Variants in KCNJ12 observed in about 807,000 individuals in gnomAD.
The protein encoded by KCNJ12 is potassium inwardly rectifying channel subfamily J member 12.
A neutral mutation model predicts 22.3 loss-of-function variants in KCNJ12; 2 were observed. The ratio of observed to expected loss-of-function variants is 0.09; its 90% CI spans 0.04 to 0.28. The LOEUF is 0.28. Ranked by LOEUF, KCNJ12 falls within the 10% of genes least tolerant of loss-of-function variation. The probability of loss-of-function intolerance (pLI) is 1.00; values close to 1 mark genes in which losing one functional copy is unlikely to be tolerated. For missense variants in KCNJ12, 155 were observed against 633.3 expected, an observed-to-expected ratio of 0.24 and a Z score of 8.11; for synonymous variants, 117 against 261.4, an observed-to-expected ratio of 0.45 and a Z score of 5.33.
rs573335001 is a variant in KCNJ12, at chr17:21,384,918, A to G, written c.-179+8005A>G. 9.3e-5 allele frequency among the ~76,000 whole-genome samples: 14 copies of G among 151,270 alleles called. No homozygotes were observed. The East Asian group carries it at 1.2e-3, about 13-fold the overall frequency. On this transcript the variant is annotated intron_variant, in intron 1 of 2. Transcript: ENST00000583088. ...CTCCCGAGTAGCTGGGACTATAGGC[A>G]CCCACCACCGCGCCCGGCTAATTTT...
intron 2 of KCNJ12, among the ~76,000 whole-genome samples, chr17:21,413,856 T>A (rs1906522623): frequency 6.6e-6 from 1 of 152,378 alleles, no homozygotes; most frequent in South Asian, 2.1e-4. Context: ...CTGCCTGCAG[T>A]GAGCTGAGGG....
intron 1 of KCNJ12, among the ~76,000 whole-genome samples, chr17:21,389,273 C>T (rs1905150011): frequency 6.6e-6 from 1 of 152,226 alleles, no homozygotes; most frequent in Non-Finnish European, 1.5e-5. Context: ...GTCCAGGCAC[C>T]TCTTTCTTGC....
chr17:21,391,714 C>T (rs1022697250), intron 1 of KCNJ12, among the ~76,000 whole-genome samples: 7 of 152,240 alleles, frequency 4.6e-5, no homozygotes, highest in Non-Finnish European at 8.8e-5. Flanking sequence ...CTTTCTTCCC[C>T]GGTCTGCCCA....
intron 1 of KCNJ12, among the ~76,000 whole-genome samples, chr17:21,390,730 G>C (rs967037016): frequency 2.6e-5 from 4 of 152,216 alleles, no homozygotes; most frequent in Non-Finnish European, 5.9e-5. Context: ...GATCTGTCAG[G>C]CTGTGGTTGG....
chr17:21,413,705 G>A (rs1207064873), intron 2 of KCNJ12, among the ~76,000 whole-genome samples: 1 of 152,430 alleles, frequency 6.6e-6, no homozygotes, highest in South Asian at 2.1e-4. Flanking sequence ...GGCCTTTAGT[G>A]GGGGCAGCAC....
At chr17:21,411,396 T>G (rs1574163) in intron 2 of KCNJ12, among the ~76,000 whole-genome samples, 1 of 151,476 alleles carries the variant, frequency 6.6e-6, no homozygotes, top group South Asian at 2.1e-4. Context: ...GCCGGGCCCG[T>G]GCTCTCTCCC....
intron 1 of KCNJ12, among the ~76,000 whole-genome samples, chr17:21,393,310 G>A (rs1242524097): frequency 6.6e-6 from 1 of 152,230 alleles, no homozygotes; most frequent in African/African-American, 2.4e-5. Context: ...TGGCTCTGGC[G>A]GATGGGGCAG....
chr17:21,408,899 AC>A (rs1165884336), intron 2 of KCNJ12, among the ~76,000 whole-genome samples: 32 of 152,054 alleles, frequency 2.1e-4, no homozygotes, highest in Non-Finnish European at 1.3e-4. Context: ...CCTTCCACCC[AC>A]CTAGCCAGTC....
At chr17:21,410,500 T>C (rs1429618260) in intron 2 of KCNJ12, among the ~76,000 whole-genome samples, 1 of 152,250 alleles carries the variant, frequency 6.6e-6, no homozygotes, top group Non-Finnish European at 1.5e-5. Flanking sequence ...CTGCATTGAG[T>C]GATCTCTGAG....
chr17:21,380,682 A>T (rs533062529), intron 1 of KCNJ12, among the ~76,000 whole-genome samples: 3 of 152,244 alleles, frequency 2.0e-5, no homozygotes, highest in Admixed American at 1.3e-4. Context: ...GGGTGTGAGC[A>T]TTTGTGGAGC....
chr17:21,379,591 G>A (rs1392571570), intron 1 of KCNJ12, among the ~76,000 whole-genome samples: 1 of 152,232 alleles, frequency 6.6e-6, no homozygotes, highest in Non-Finnish European at 1.5e-5. Context: ...GGCAGCTTGC[G>A]GGCAGCAGGA....
chr17:21,380,259 C>T (rs1904821433), intron 1 of KCNJ12, among the ~76,000 whole-genome samples: 1 of 152,218 alleles, frequency 6.6e-6, no homozygotes, highest in Admixed American at 6.5e-5. Flanking sequence ...ACTGCTTCTT[C>T]CAGCCACAGA....
In KCNJ12 at chr17:21,385,054, C is replaced by T. The variant is rs181110453; in HGVS notation, c.-179+8141C>T. On this transcript the variant is annotated intron_variant, in intron 1 of 2. Transcript: ENST00000583088. ...CCTCCCAAAGTGCTGGGATTACAGG[C>T]GTGAGCCACCGTGCCCGACCCAGGA... 2.8e-3 allele frequency among the ~76,000 whole-genome samples: 422 copies of T among 152,260 alleles called. 4 individuals are homozygous for T. Among genetic ancestry groups the T allele is most frequent in the African/African-American group, 9.3e-3 (385 of 41,560 alleles).
chr17:21,417,945 C>A lies in KCNJ12; in HGVS notation c.*1301C>A, dbSNP rs1346779816. 1.8e-5 allele frequency: 3 copies of A among 167,278 alleles called. No individual in the cohort carries two copies. Among genetic ancestry groups the A allele is most frequent in the Non-Finnish European group, 4.4e-5 (3 of 68,378 alleles). The allele number at this position is 167,278 out of a possible 1,614,324, so 10.4% of individuals were successfully genotyped here. On this transcript the variant is annotated 3_prime_UTR_variant, in exon 3 of 3. Coordinates refer to ENST00000583088, the MANE Select transcript of KCNJ12 (RefSeq NM_021012.5). Reference sequence around the variant, plus strand: ...TAGGAAAGGAGAGGAATCGCCACCCCCTCCTGCCAACTGGGATGACTGGGG... The same window carrying A: ...TAGGAAAGGAGAGGAATCGCCACCCACTCCTGCCAACTGGGATGACTGGGG...
intron 1 of KCNJ12, among the ~76,000 whole-genome samples, chr17:21,403,653 C>T (rs1597571648): frequency 6.6e-6 from 1 of 152,262 alleles, no homozygotes; most frequent in African/African-American, 2.4e-5. Flanking sequence ...AGCTGAGGCC[C>T]TAAAGGGGCC....
intron 1 of KCNJ12, among the ~76,000 whole-genome samples, chr17:21,384,299 T>C (rs1904997814): frequency 6.6e-6 from 1 of 152,200 alleles, no homozygotes; most frequent in Non-Finnish European, 1.5e-5. Context: ...TTGTGGCATC[T>C]GAATGCACAG....
chr17:21,412,419 G>T (rs1317228108), intron 2 of KCNJ12, among the ~76,000 whole-genome samples: 2 of 152,426 alleles, frequency 1.3e-5, no homozygotes, highest in Middle Eastern at 3.4e-3. Context: ...TAATTCTTGT[G>T]ATTCTGTTCC....
chr17:21,393,866 C>T (rs1024685409), intron 1 of KCNJ12, among the ~76,000 whole-genome samples: 2 of 152,204 alleles, frequency 1.3e-5, no homozygotes, highest in Admixed American at 1.3e-4. Flanking sequence ...GTGCATCCTC[C>T]CAGGGCCACT....
intron 1 of KCNJ12, among the ~76,000 whole-genome samples, chr17:21,379,862 C>T (rs578250663): frequency 3.3e-5 from 5 of 152,188 alleles, no homozygotes; most frequent in South Asian, 2.1e-4. Context: ...CCAGAGCCCC[C>T]GCTGGGCACT....
Sources: gnomAD v4.1 joint callset for allele counts (sites outside exome capture counted in the v4.1 genomes callset) on GRCh38, gnomAD v4.1.1 for gene constraint, MANE v1.5 for transcripts, NCBI Gene and HGNC (gene_info 2026-07-23, HGNC 2026-07-21) for gene names.